KANSL1: variants seen among roughly 807,000 people sequenced by gnomAD.
The protein encoded by KANSL1 is MLL1/MLL complex subunit KANSL1.
KANSL1 carries 22 observed loss-of-function variants against 103.6 expected under a neutral mutation model. The observed-to-expected ratio is 0.21, with a 90% confidence interval of 0.15 to 0.30. KANSL1 has a LOEUF of 0.30. Ranked by LOEUF, KANSL1 falls within the 10% of genes least tolerant of loss-of-function variation. The probability of loss-of-function intolerance (pLI) is 1.00; values close to 1 mark genes in which losing one functional copy is unlikely to be tolerated. For missense variants in KANSL1, 1,337 were observed against 1,399.8 expected (o/e 0.96, Z 0.72); for synonymous variants, 600 against 527.6 (o/e 1.14, Z -1.88).
chr17:46,141,990 G>A (rs1378697204), intron 2 of KANSL1, among the ~76,000 whole-genome samples: 1 of 152,194 alleles, frequency 6.6e-6, no homozygotes, highest in Non-Finnish European at 1.5e-5. Context: ...CCAGGTTCAA[G>A]CGATTCTCCA....
At chr17:46,069,343 T>TA (rs1183538342) in intron 4 of KANSL1, among the ~76,000 whole-genome samples, 1 of 152,176 alleles carries the variant, frequency 6.6e-6, no homozygotes, top group African/African-American at 2.4e-5. Context: ...GGTAAATATT[T>TA]TGAGGCTGAA....
At chr17:46,128,016 A>G (rs1345247099) in intron 2 of KANSL1, among the ~76,000 whole-genome samples, 1 of 151,952 alleles carries the variant, frequency 6.6e-6, no homozygotes, top group Non-Finnish European at 1.5e-5. Flanking sequence ...AAGTCTCGCT[A>G]TATTGCCCAG....
intron 2 of KANSL1, among the ~76,000 whole-genome samples, chr17:46,152,545 T>C (rs778236209): frequency 3.8e-5 from 5 of 132,102 alleles, no homozygotes; most frequent in Non-Finnish European, 7.9e-5. Flanking sequence ...TGACAGGCCC[T>C]GAATTTAGGT....
At chr17:46,045,357 T>C (rs373787976) in intron 7 of KANSL1, 5 of 151,904 alleles carry the variant, frequency 3.3e-5, no homozygotes, top group African/African-American at 4.8e-5. Context: ...ATATTAGACA[T>C]GGTAATCAGG....
intron 2 of KANSL1, among the ~76,000 whole-genome samples, chr17:46,146,878 G>T (rs937430851): frequency 2.7e-5 from 4 of 150,292 alleles, no homozygotes; most frequent in African/African-American, 9.8e-5. Context: ...GGCCTAAAAG[G>T]TTTCACATTT....
In KANSL1 at chr17:46,171,068, C is replaced by T. The variant is rs376770281; in HGVS notation, c.1076G>A (p.Ser359Asn). The part of the protein sequence containing the change: ...KAEAALRKAA[S>N]ETTTSEGLSN... Reference sequence around the variant, plus strand: ...AAGTCCCTCTGAAGTGGTGGTCTCACTGGCAGCTTTTCTCAAGGCAGCTTC... The same window carrying T: ...AAGTCCCTCTGAAGTGGTGGTCTCATTGGCAGCTTTTCTCAAGGCAGCTTC... The change falls in exon 2 of 15, where the codon AGT (serine) becomes AAT (asparagine). Residue 359 changes from serine to asparagine, a missense_variant. Transcript: ENST00000432791. 6.2e-7 allele frequency: 1 copy of T among 1,614,070 alleles called. No individual in the cohort carries two copies. Among genetic ancestry groups the T allele is most frequent in the African/African-American group, 1.3e-5 (1 of 74,922 alleles).
intron 6 of KANSL1, among the ~76,000 whole-genome samples, chr17:46,060,500 T>A (rs1341482435): frequency 6.6e-6 from 1 of 152,086 alleles, no homozygotes; most frequent in Non-Finnish European, 1.5e-5. Context: ...AAGCACAGAG[T>A]GATTTCTGAG....
rs147195653 is a variant in KANSL1 at position 46,066,557 on chromosome 17, T to C, written c.1828A>G (p.Ile610Val). The C allele has an allele frequency of 1.9e-6, 3 of 1,613,310 alleles. No homozygotes were observed. The highest frequency in any genetic ancestry group is 1.3e-5 in the African/African-American group (1 of 75,036). The part of the protein sequence containing the change: ...KKRRLVRPNS[I>V]VPLSKKVHRN... ...CCGACCTTCTTGGAAAGAGGAACGA[T>C]GCTGTTGGGTCGAACAAGCCTCCGC... Residue 610 changes from isoleucine (I) to valine (V), a missense_variant, in exon 6 of 15, where the codon ATC becomes GTC. This residue lies in a region of KANSL1 where 780 missense variants were observed against 923.4 expected (regional missense o/e 0.84). Transcript: ENST00000432791.
chr17:46,212,026 A>G (rs944871152), intron 1 of KANSL1, among the ~76,000 whole-genome samples: 1 of 152,242 alleles, frequency 6.6e-6, no homozygotes, highest in Non-Finnish European at 1.5e-5. Flanking sequence ...CCCCGGACAG[A>G]CAGACTCAAG....
intron 1 of KANSL1, among the ~76,000 whole-genome samples, chr17:46,214,802 C>T (rs2048289643): frequency 6.6e-6 from 1 of 152,280 alleles, no homozygotes; most frequent in Non-Finnish European, 1.5e-5. Flanking sequence ...CATATGCACA[C>T]TCACATGCAC....
At chr17:46,095,313 G>A (rs7211983) in intron 2 of KANSL1, among the ~76,000 whole-genome samples, 23,609 of 151,910 alleles carry the variant, frequency 0.16, 2,659 homozygotes, top group East Asian at 0.42. Flanking sequence ...TATTTTTAAT[G>A]AAAGCTGAGA....
At position 46,066,743 on chromosome 17, in the gene KANSL1, G is replaced by A. The variant is rs201471275; in HGVS notation, c.1653-11C>T. On this transcript the variant is annotated splice_polypyrimidine_tract_variant and intron_variant, in intron 5 of 14. Transcript: ENST00000432791. ...AAGACAGGCTGAAGACTATACAAGG[G>A]GAAGGAAGAGTATTCTCAGAACACA... 88 of 1,594,480 alleles carry A rather than the reference G, an allele frequency of 5.5e-5. No homozygotes were observed. In the African/African-American group the frequency reaches 1.1e-3, roughly 20 times the overall value.
At chr17:46,121,767 T>G (rs990558648) in intron 2 of KANSL1, among the ~76,000 whole-genome samples, 1 of 152,166 alleles carries the variant, frequency 6.6e-6, no homozygotes, top group Non-Finnish European at 1.5e-5. Context: ...GGTGTACAGA[T>G]TCTCCTCAAC....
intron 6 of KANSL1, among the ~76,000 whole-genome samples, chr17:46,066,222 G>C (rs1287134411): frequency 6.6e-6 from 1 of 152,238 alleles, no homozygotes. Context: ...GAAGGTGAGA[G>C]GGCACACTAT....
intron 2 of KANSL1, among the ~76,000 whole-genome samples, chr17:46,123,139 G>A (rs1457608091): frequency 6.6e-6 from 1 of 152,244 alleles, no homozygotes; most frequent in Non-Finnish European, 1.5e-5. Context: ...CACTTTGGGA[G>A]GCGGCGGCAG....
At chr17:46,057,521 G>C (rs1014795917) in intron 6 of KANSL1, among the ~76,000 whole-genome samples, 1 of 152,018 alleles carries the variant, frequency 6.6e-6, no homozygotes, top group Non-Finnish European at 1.5e-5. Context: ...ATTTAACAAT[G>C]GGTCCAGGCA....
At chr17:46,062,744 A>G (rs937791100) in intron 6 of KANSL1, among the ~76,000 whole-genome samples, 6 of 152,008 alleles carry the variant, frequency 3.9e-5, no homozygotes, top group Admixed American at 6.6e-5. Context: ...CTAAGCTGAT[A>G]GCCCTTTAAA....
intron 1 of KANSL1, among the ~76,000 whole-genome samples, chr17:46,215,519 G>A (rs1386885161): frequency 6.6e-6 from 1 of 152,220 alleles, no homozygotes; most frequent in African/African-American, 2.4e-5. Flanking sequence ...AGAAGGTCAC[G>A]CAGCCAAAAG....
intron 2 of KANSL1, among the ~76,000 whole-genome samples, chr17:46,113,022 G>T (rs1417608199): frequency 1.3e-4 from 20 of 152,064 alleles, no homozygotes; most frequent in Admixed American, 1.3e-3. Flanking sequence ...GGCCCGGCCG[G>T]GACAGATAAT....
Sources: gnomAD v4.1 joint callset for allele counts (sites outside exome capture counted in the v4.1 genomes callset) on GRCh38, gnomAD v4.1.1 for gene constraint, gnomAD v4.1.1 regional missense constraint, MANE v1.5 for transcripts, NCBI Gene and HGNC (gene_info 2026-07-23, HGNC 2026-07-21) for gene names.